AKAP13: variants seen among roughly 807,000 people sequenced by gnomAD.
The protein encoded by AKAP13 is A-kinase anchoring protein 13, also known as A-kinase anchor protein 13.
In AKAP13, 80 loss-of-function variants were observed where a neutral mutation model predicts 264.5. That is an observed-to-expected ratio of 0.30 (90% CI 0.25 to 0.36). AKAP13 has a LOEUF of 0.36. Ranked by LOEUF, AKAP13 falls within the 10% of genes least tolerant of loss-of-function variation. The pLI, the probability that AKAP13 is intolerant of heterozygous loss-of-function variation, is 1.00. For missense variants in AKAP13, 3,712 were observed against 3,435.2 expected, an observed-to-expected ratio of 1.08 and a Z score of -2.01; for synonymous variants, 1,380 against 1,250.2, an observed-to-expected ratio of 1.10 and a Z score of -2.19.
chr15:85,741,375 A>T lies in AKAP13; in HGVS notation c.7938A>T (p.Thr2646=). ...EREELQQKKG[T]YQYDLERLRA... ...AGGAGCTCCAGCAGAAGAAGGGCAC[A>T]TACCAGTATGACCTGGAGCGACTGC... Residue 2646 remains threonine (T), a synonymous_variant, in exon 35 of 37, where the codon ACA becomes ACT. Coordinates refer to ENST00000394518, the MANE Select transcript of AKAP13 (RefSeq NM_007200.5). 5 of 1,614,160 alleles carry T rather than the reference A, an allele frequency of 3.1e-6. No homozygotes were observed. Among genetic ancestry groups the T allele is most frequent in the Non-Finnish European group, 4.2e-6 (5 of 1,180,042 alleles).
rs2079139956 is a variant in AKAP13 at position 85,581,364 on chromosome 15, G to A, written c.3296G>A (p.Gly1099Asp). ...VDVTGVNALQ[G>D]MAEPRRENIS... ...GTTACAGGGGTTAATGCTCTACAAG[G>A]TATGGCTGAGCCCAGAAGAGAGAAT... Residue 1099 changes from glycine (G) to aspartate (D), a missense_variant, in exon 7 of 37, where the codon GGT becomes GAT. By Grantham distance (94) the Gly-to-Asp change is moderately conservative. Around this residue, in one of 3 missense-constraint regions of AKAP13, gnomAD observed 2,759 missense variants for 2,411.7 expected, o/e 1.14. Transcript: ENST00000394518. The A allele has an allele frequency of 6.2e-7, 1 of 1,614,102 alleles. No individual in the cohort carries two copies. Among genetic ancestry groups the A allele is most frequent in the African/African-American group, 1.3e-5 (1 of 74,940 alleles).
intron 5 of AKAP13, among the ~76,000 whole-genome samples, chr15:85,567,858 G>T (rs1170447240): frequency 6.6e-6 from 1 of 151,940 alleles, no homozygotes; most frequent in Non-Finnish European, 1.5e-5. Flanking sequence ...TCCAGCAGAC[G>T]CTGTCCCACA....
chr15:85,399,650 A>G (rs2071329570), intron 1 of AKAP13, among the ~76,000 whole-genome samples: 1 of 151,922 alleles, frequency 6.6e-6, no homozygotes. Flanking sequence ...CTAAAAGGAT[A>G]TGAAGAAACT....
chr15:85,404,474 T>G (rs542219804), intron 1 of AKAP13, among the ~76,000 whole-genome samples: 1 of 152,368 alleles, frequency 6.6e-6, no homozygotes, highest in African/African-American at 2.4e-5. Context: ...CATATATTGA[T>G]TACTTTGTGT....
intron 1 of AKAP13, among the ~76,000 whole-genome samples, chr15:85,434,486 G>T (rs2073178130): frequency 6.6e-6 from 1 of 152,226 alleles, no homozygotes. Context: ...AAGAAGGCCT[G>T]CCTGCCTCTG....
intron 1 of AKAP13, chr15:85,415,582 A>G (rs566617873): frequency 2.1e-6 from 3 of 1,425,862 alleles, no homozygotes; most frequent in South Asian, 2.3e-5. Context: ...TTAGTGGTGG[A>G]CTGTGTCATG....
At chr15:85,510,863 A>AT (rs1162616863) in intron 2 of AKAP13, among the ~76,000 whole-genome samples, 2 of 152,194 alleles carry the variant, frequency 1.3e-5, no homozygotes, top group Non-Finnish European at 2.9e-5. Flanking sequence ...GGAAACAAGT[A>AT]TTTTAAGTTT....
At chr15:85,466,882 A>G (rs1021085971) in intron 1 of AKAP13, among the ~76,000 whole-genome samples, 7 of 151,786 alleles carry the variant, frequency 4.6e-5, no homozygotes, top group African/African-American at 9.7e-5. Flanking sequence ...GTCCACTGCT[A>G]TTTTTACAAC....
chr15:85,597,854 G>A (rs909891681), intron 8 of AKAP13, among the ~76,000 whole-genome samples: 1 of 152,072 alleles, frequency 6.6e-6, no homozygotes. Context: ...ATGAATCACT[G>A]TGAAATCCAG....
At chr15:85,678,263 C>G (rs929158294) in intron 14 of AKAP13, among the ~76,000 whole-genome samples, 6 of 152,048 alleles carry the variant, frequency 3.9e-5, no homozygotes, top group Non-Finnish European at 8.8e-5. Flanking sequence ...ATTACCATAC[C>G]CATATGATTA....
At chr15:85,671,477 T>C (rs1476077885) in intron 14 of AKAP13, among the ~76,000 whole-genome samples, 1 of 131,258 alleles carries the variant, frequency 7.6e-6, no homozygotes, top group Non-Finnish European at 1.7e-5. Flanking sequence ...GAGAAAGACA[T>C]AATGGGTGAT....
intron 1 of AKAP13, among the ~76,000 whole-genome samples, chr15:85,432,043 C>T (rs997893263): frequency 2.0e-5 from 3 of 152,040 alleles, no homozygotes; most frequent in Non-Finnish European, 2.9e-5. Flanking sequence ...CTTTCCAACA[C>T]TGGGATTCTA....
chr15:85,391,682 G>C (rs2070864304), intron 1 of AKAP13, among the ~76,000 whole-genome samples: 1 of 151,822 alleles, frequency 6.6e-6, no homozygotes, highest in Non-Finnish European at 1.5e-5. Flanking sequence ...GTGGTGTTTT[G>C]CCAGGTTGTC....
intron 5 of AKAP13, among the ~76,000 whole-genome samples, chr15:85,570,071 G>A (rs1247667832): frequency 2.3e-4 from 16 of 68,146 alleles, no homozygotes; most frequent in African/African-American, 5.3e-4. Flanking sequence ...GCGAGACTCC[G>A]TCTCAAAAAA....
chr15:85,715,973 G>GCCAA, intron 20 of AKAP13, 50 bp downstream of exon 20: 3 of 1,547,908 alleles, frequency 1.9e-6, no homozygotes, highest in Non-Finnish European at 2.6e-6. Context: ...GGTGACCAGA[G>GCCAA]CATAATAATC....
intron 3 of AKAP13, among the ~76,000 whole-genome samples, chr15:85,528,568 A>G (rs543691494): frequency 6.6e-6 from 1 of 152,326 alleles, no homozygotes; most frequent in East Asian, 1.9e-4. Context: ...TTTTGTGTAC[A>G]AGGAAAACAG....
intron 4 of AKAP13, among the ~76,000 whole-genome samples, chr15:85,537,379 C>CT (rs954805288): frequency 1.3e-5 from 2 of 152,230 alleles, no homozygotes; most frequent in African/African-American, 4.8e-5. Flanking sequence ...CTGTTGAAAG[C>CT]TAGGATGTTT....
In AKAP13 at chr15:85,581,945, G is replaced by C. The variant is rs963628288; in HGVS notation, c.3877G>C (p.Glu1293Gln). The C allele has an allele frequency of 1.2e-6, 2 of 1,614,194 alleles. No homozygotes were observed. Among genetic ancestry groups the C allele is most frequent in the Non-Finnish European group, 1.7e-6 (2 of 1,180,026 alleles). ...GTTGGGTCCTCTCACTAAAGGACTA[G>C]AGAGTGCTTTTACAGAAAAAGTGAG... The part of the protein sequence containing the change: ...PELGPLTKGL[E>Q]SAFTEKVSTF... The change falls in exon 7 of 37, where the codon GAG becomes CAG. Residue 1293 changes from glutamate (E) to glutamine (Q), a missense_variant. Glu to Gln is a conservative substitution (Grantham distance 29). Transcript: ENST00000394518.
At position 85,708,221 on chromosome 15, in the gene AKAP13, A is replaced by G. The variant is rs1487782677; in HGVS notation, c.5532+135A>G. 5 of 723,142 alleles carry G rather than the reference A, an allele frequency of 6.9e-6. No individual in the cohort carries two copies. The highest frequency in any genetic ancestry group is 1.8e-5 in the African/African-American group (1 of 56,210). The allele number at this position is 723,142 out of a possible 1,614,324, so 44.8% of individuals were successfully genotyped here. A position where few individuals can be genotyped will look rare whatever the true frequency, so the allele number is the denominator to read the frequency against. On this transcript the variant is annotated intron_variant, in intron 18 of 36. Transcript: ENST00000394518. The surrounding 1 kb of genome is among the most constrained non-coding windows in gnomAD (Gnocchi z 4.3). Reference sequence around the variant, plus strand: ...TTGGTACCAACTTTGAGAACAAATTATAACTAAAAAATATTTTTTCTCTTA... The same window carrying G: ...TTGGTACCAACTTTGAGAACAAATTGTAACTAAAAAATATTTTTTCTCTTA...
Sources: gnomAD v4.1 joint callset for allele counts (sites outside exome capture counted in the v4.1 genomes callset) on GRCh38, gnomAD v4.1.1 for gene constraint, gnomAD v4.1.1 regional missense constraint, Gnocchi (gnomAD v3.1) non-coding constraint, MANE v1.5 for transcripts, NCBI Gene and HGNC (gene_info 2026-07-23, HGNC 2026-07-21) for gene names.